Variants in RNF128 observed in about 807,000 individuals in gnomAD.
RNF128 encodes E3 ubiquitin-protein ligase RNF128.
A neutral mutation model predicts 26.2 loss-of-function variants in RNF128; 13 were observed. The observed-to-expected ratio is 0.50, with a 90% CI of 0.32 to 0.79. The LOEUF (loss-of-function observed/expected upper bound fraction) is 0.79, where lower values mean the gene tolerates loss of function less well. RNF128 is among the 30% of genes least tolerant of loss of function. The pLI is 0.03. For missense variants in RNF128, 315 were observed against 349.7 expected (o/e 0.90, Z 0.79); for synonymous variants, 149 against 142.5 (o/e 1.05, Z -0.32).
At chrX:106,760,017 T>G (rs1047844776) in intron 1 of RNF128, among the ~76,000 whole-genome samples, 3 of 111,535 alleles carry the variant, frequency 2.7e-5, no homozygotes, top group African/African-American at 9.8e-5. Flanking sequence ...TATTACAGAT[T>G]GTATGTCTGT....
intron 2 of RNF128, among the ~76,000 whole-genome samples, chrX:106,773,553 A>G (rs1930413699): frequency 1.8e-5 from 2 of 111,555 alleles, no homozygotes; most frequent in South Asian, 3.7e-4. Flanking sequence ...CAATATAACT[A>G]TAGTCATCGC....
chrX:106,745,959 C>T (rs985848898), intron 1 of RNF128, among the ~76,000 whole-genome samples: 9 of 111,177 alleles, frequency 8.1e-5, no homozygotes, highest in African/African-American at 2.9e-4. Context: ...GGAGGAAAAG[C>T]CAAGCCTTTG....
chrX:106,782,106 A>G (rs972159434), intron 2 of RNF128, among the ~76,000 whole-genome samples: 4 of 112,601 alleles, frequency 3.6e-5, no homozygotes, highest in Admixed American at 2.8e-4. Context: ...ATATTTTGCA[A>G]TGAGAAATCA....
At chrX:106,699,670 C>T (rs1009068036) in intron 1 of RNF128, among the ~76,000 whole-genome samples, 23 of 112,158 alleles carry the variant, frequency 2.1e-4, no homozygotes, top group Admixed American at 1.0e-3. Flanking sequence ...CAAATAAAGT[C>T]TAAATTTTAT....
At position 106,727,307 on chromosome X, in the gene RNF128, A is replaced by G; in HGVS notation, c.394A>G (p.Ile132Val). 8.3e-7 allele frequency: 1 copy of G among 1,211,276 alleles called. No individual in the cohort carries two copies. Among genetic ancestry groups the G allele is most frequent in the Non-Finnish European group, 1.1e-6 (1 of 895,334 alleles). ...RGGGCTFADK[I>V]HLAYERGASG... Reference sequence around the variant, plus strand: ...CGGGGGCTGCACCTTCGCAGACAAGATCCATCTGGCTTATGAGAGAGGGGC... The same window carrying G: ...CGGGGGCTGCACCTTCGCAGACAAGGTCCATCTGGCTTATGAGAGAGGGGC... Residue 132 changes from isoleucine (I) to valine (V), a missense_variant, in exon 1 of 7, where the codon ATC (isoleucine) becomes GTC (valine). Transcript: ENST00000255499.
At chrX:106,791,623 T>C (rs1930827977) in intron 6 of RNF128, among the ~76,000 whole-genome samples, 1 of 111,479 alleles carries the variant, frequency 9.0e-6, no homozygotes, top group South Asian at 3.7e-4. Context: ...GAATTCAATT[T>C]ATAAAAGTTT....
chrX:106,772,973 C>G lies in RNF128; in HGVS notation c.545C>G (p.Ser182Cys). ...CTGAAAGGCACAAAAATTCTGCAAT[C>G]TATTCAAAGAGGCATACAAGTGACA... ...GNLKGTKILQ[S>C]IQRGIQVTMV... The change falls in exon 2 of 7, where the codon TCT becomes TGT. Residue 182 changes from serine to cysteine, a missense_variant. Coordinates refer to ENST00000255499, the MANE Select transcript of RNF128 (RefSeq NM_194463.2). 2 of 1,210,452 alleles carry G rather than the reference C, an allele frequency of 1.7e-6. No individual in the cohort carries two copies. Among genetic ancestry groups the G allele is most frequent in the Non-Finnish European group, 2.2e-6 (2 of 894,592 alleles).
intron 1 of RNF128, among the ~76,000 whole-genome samples, chrX:106,751,919 C>T (rs1214040344): frequency 1.8e-5 from 2 of 109,069 alleles, no homozygotes; most frequent in Admixed American, 9.8e-5. Flanking sequence ...CAGGTGTGAC[C>T]CAGCACATTC....
intron 1 of RNF128, among the ~76,000 whole-genome samples, chrX:106,720,986 T>C (rs138002378): frequency 8.7e-4 from 97 of 112,010 alleles, no homozygotes; most frequent in African/African-American, 3.0e-3. Flanking sequence ...GTCCTTTCTT[T>C]GGGTGCATGA....
intron 1 of RNF128, among the ~76,000 whole-genome samples, chrX:106,702,111 G>A (rs916163473): frequency 2.4e-4 from 26 of 109,605 alleles, no homozygotes; most frequent in Admixed American, 6.8e-4. Context: ...CCTCCCCTGG[G>A]TACAGGCACA....
At chrX:106,712,619 G>A (rs1184648854) in intron 1 of RNF128, among the ~76,000 whole-genome samples, 4 of 110,980 alleles carry the variant, frequency 3.6e-5, no homozygotes, top group African/African-American at 9.8e-5. Flanking sequence ...CATCTAAAAT[G>A]TTACTCAACT....
chrX:106,711,454 A>C (rs1929125192), intron 1 of RNF128, among the ~76,000 whole-genome samples: 1 of 112,243 alleles, frequency 8.9e-6, no homozygotes, highest in Admixed American at 9.4e-5. Context: ...AAACTAGCTA[A>C]GTGAGCCAGA....
intron 1 of RNF128, among the ~76,000 whole-genome samples, chrX:106,706,561 G>T (rs1317096096): frequency 9.0e-6 from 1 of 111,672 alleles, no homozygotes; most frequent in Non-Finnish European, 1.9e-5. Context: ...CATGGGCTTT[G>T]TAGGGGGATA....
intron 1 of RNF128, among the ~76,000 whole-genome samples, chrX:106,765,892 C>T (rs1182338335): frequency 2.0e-5 from 2 of 97,712 alleles, no homozygotes; most frequent in African/African-American, 7.6e-5. Context: ...CGACAGGCTC[C>T]AGTGTGTGAT....
intron 1 of RNF128, among the ~76,000 whole-genome samples, chrX:106,756,655 A>C (rs1301652003): frequency 1.8e-5 from 2 of 110,303 alleles, no homozygotes; most frequent in Non-Finnish European, 3.8e-5. Context: ...CCTAGGCATT[A>C]CCATTCAGGA....
chrX:106,758,127 A>G (rs1721507330), intron 1 of RNF128, among the ~76,000 whole-genome samples: 1 of 112,656 alleles, frequency 8.9e-6, no homozygotes, highest in Non-Finnish European at 1.9e-5. Flanking sequence ...TAGTATTTCT[A>G]GATGCCAATG....
At chrX:106,769,546 G>GTTTTTTTTTTTTT (rs752900867) in intron 1 of RNF128, among the ~76,000 whole-genome samples, 3 of 65,105 alleles carry the variant, frequency 4.6e-5, no homozygotes, top group Non-Finnish European at 8.1e-5. Context: ...CACCTGCTTT[G>GTTTTTTTTTTTTT]TTTTTTTTTT....
At chrX:106,716,708 C>T (rs12009098) in intron 1 of RNF128, among the ~76,000 whole-genome samples, 12,463 of 110,279 alleles carry the variant, frequency 0.11, 1,740 homozygotes, top group African/African-American at 0.39. Context: ...TGTGCCAGAG[C>T]AAGATCTGTG....
chrX:106,735,099 G>T (rs913576352), intron 1 of RNF128, among the ~76,000 whole-genome samples: 1 of 111,391 alleles, frequency 9.0e-6, no homozygotes, highest in Non-Finnish European at 1.9e-5. Flanking sequence ...ATGCACCATA[G>T]CACGTAGTTA....
Sources: gnomAD v4.1 joint callset for allele counts (sites outside exome capture counted in the v4.1 genomes callset) on GRCh38, gnomAD v4.1.1 for gene constraint, MANE v1.5 for transcripts, NCBI Gene and HGNC (gene_info 2026-07-23, HGNC 2026-07-21) for gene names.